LACTB: variants seen among roughly 807,000 people sequenced by gnomAD.
The protein encoded by LACTB is serine beta-lactamase-like protein LACTB, mitochondrial.
Under a neutral mutation model 50.2 loss-of-function variants are expected in LACTB, and 35 were observed. That is an observed-to-expected ratio of 0.70 (90% confidence interval 0.53 to 0.92). LACTB has a LOEUF of 0.92. Ranked by LOEUF, LACTB falls within the 40% of genes least tolerant of loss-of-function variation. The pLI is 0.00. For synonymous variants in LACTB, 252 were observed against 268.2 expected (o/e 0.94, Z 0.59); for missense variants, 664 against 691.8 (o/e 0.96, Z 0.45).
chr15:63,127,809 G>C, intron 4 of LACTB, 120 bp downstream of exon 4: 1 of 658,866 alleles, frequency 1.5e-6, no homozygotes, highest in Middle Eastern at 4.3e-4. Context: ...ATACGGACTA[G>C]TCTGGTGCTT....
intron 5 of LACTB, among the ~76,000 whole-genome samples, chr15:63,140,729 C>T (rs190851345): frequency 1.3e-5 from 2 of 152,122 alleles, no homozygotes; most frequent in Non-Finnish European, 2.9e-5. Flanking sequence ...GATCCTCCTG[C>T]CTTAGCCTCC....
chr15:63,130,658 T>C (rs2037121258), intron 5 of LACTB: 1 of 152,192 alleles, frequency 6.6e-6, no homozygotes, highest in Non-Finnish European at 1.5e-5. Flanking sequence ...TTTTTTCTGG[T>C]CTAGGATCTA....
chr15:63,141,524 G>A lies in LACTB; in HGVS notation c.1363G>A (p.Asp455Asn). The change falls in exon 6 of 6, where the codon GAT becomes AAT. Residue 455 changes from aspartate (D) to asparagine (N), a missense_variant. Asp to Asn is a conservative substitution (Grantham distance 23). Transcript: ENST00000261893. ...TPVPNTEMSWDKEGKYAMAWG... is the reference protein window; with the variant it reads ...TPVPNTEMSWNKEGKYAMAWG... Reference sequence around the variant, plus strand: ...AGTCCCTAACACAGAGATGTCTTGGGATAAAGAGGGTAAATATGCAATGGC... The same window carrying A: ...AGTCCCTAACACAGAGATGTCTTGGAATAAAGAGGGTAAATATGCAATGGC... 9.9e-6 allele frequency: 16 copies of A among 1,614,194 alleles called. No homozygotes were observed. Among genetic ancestry groups the A allele is most frequent in the Non-Finnish European group, 1.4e-5 (16 of 1,180,036 alleles).
intron 5 of LACTB, among the ~76,000 whole-genome samples, chr15:63,140,622 TTA>T (rs1275844888): frequency 2.0e-5 from 3 of 152,200 alleles, no homozygotes; most frequent in African/African-American, 7.2e-5. Context: ...TGTCACATCA[TTA>T]TATATGATAT....
intron 5 of LACTB, among the ~76,000 whole-genome samples, chr15:63,135,987 CTT>C (rs2037172137): frequency 6.6e-6 from 1 of 151,454 alleles, no homozygotes; most frequent in South Asian, 2.1e-4. Flanking sequence ...TAACTTGTGA[CTT>C]GCGCAAAAAT....
Position 63,141,934 on chromosome 15 carries a change from T to G in LACTB, c.*129T>G, listed in dbSNP as rs2037233502. 1 of 695,390 alleles carries G rather than the reference T, an allele frequency of 1.4e-6. No individual in the cohort carries two copies. The highest frequency in any genetic ancestry group is 2.3e-6 in the Non-Finnish European group (1 of 431,208). The allele number at this position is 695,390 out of a possible 1,614,324, so 43.1% of individuals were successfully genotyped here. A position where few individuals can be genotyped will look rare whatever the true frequency, so the allele number is the denominator to read the frequency against. Reference sequence around the variant, plus strand: ...AACTGAATGCAGAGAATTATGTACCTCTAATTGCTTAATTTTGTAATGGTC... The same window carrying G: ...AACTGAATGCAGAGAATTATGTACCGCTAATTGCTTAATTTTGTAATGGTC... On this transcript the variant is annotated 3_prime_UTR_variant, in exon 6 of 6. Coordinates refer to ENST00000261893, the MANE Select transcript of LACTB (RefSeq NM_032857.5).
chr15:63,129,667 T>C lies in LACTB; in HGVS notation c.1118+17T>C, dbSNP rs2037103737. On this transcript the variant is annotated intron_variant, in intron 5 of 5. Coordinates refer to ENST00000261893, the MANE Select transcript of LACTB (RefSeq NM_032857.5). The stretch of plus-strand genomic sequence containing the variant: ...TAGAGCAAGGTAAATGAATACCTTC[T>C]GCTGTGTCTAGCTATATCGCATCTT... 3 of 1,571,262 alleles carry C rather than the reference T, an allele frequency of 1.9e-6. No individual in the cohort carries two copies. The highest frequency in any genetic ancestry group is 2.6e-6 in the Non-Finnish European group (3 of 1,157,978).
At chr15:63,127,099 G>A (rs2037063639) in intron 3 of LACTB, 50 bp downstream of exon 3, 2 of 1,306,318 alleles carry the variant, frequency 1.5e-6, no homozygotes, top group Non-Finnish European at 2.1e-6. Flanking sequence ...AATGGTTTAT[G>A]CTGGAATTTA....
chr15:63,126,684 C>G (rs1043788949), intron 2 of LACTB, among the ~76,000 whole-genome samples, 175 bp from the exon 3 acceptor site: 1 of 152,142 alleles, frequency 6.6e-6, no homozygotes, highest in South Asian at 2.1e-4. Flanking sequence ...TTAGGCTTAC[C>G]GATATACTAA....
chr15:63,130,565 G>A (rs2037120038), intron 5 of LACTB: 2 of 148,896 alleles, frequency 1.3e-5, no homozygotes, highest in East Asian at 2.0e-4. Flanking sequence ...TAGATACAAT[G>A]CTTTTATTAA....
At chr15:63,131,926 C>G (rs537729068) in intron 5 of LACTB, among the ~76,000 whole-genome samples, 1 of 150,600 alleles carries the variant, frequency 6.6e-6, no homozygotes, top group South Asian at 2.1e-4. Context: ...GTCTGAGTAA[C>G]AGAGCAAGAC....
intron 2 of LACTB, among the ~76,000 whole-genome samples, chr15:63,123,914 G>A (rs1424905938): frequency 2.0e-5 from 3 of 152,184 alleles, no homozygotes; most frequent in South Asian, 4.1e-4. Flanking sequence ...TTAGGCCTCC[G>A]GATAACTGCG....
chr15:63,129,771 CTACATGT>C (rs1335974286), intron 5 of LACTB, 121 bp downstream of exon 5: 1 of 1,298,290 alleles, frequency 7.7e-7, no homozygotes, highest in Admixed American at 3.5e-5. Flanking sequence ...GGGAGCTTTT[CTACATGT>C]CTGTTTTCTC....
At chr15:63,131,033 C>T (rs569020509) in intron 5 of LACTB, 2 of 152,430 alleles carry the variant, frequency 1.3e-5, no homozygotes, top group East Asian at 3.9e-4. Flanking sequence ...TGGCTCACGC[C>T]TGTAATCCCA....
intron 1 of LACTB, 44 bp downstream of exon 1, chr15:63,122,272 C>T: frequency 2.0e-6 from 3 of 1,464,886 alleles, no homozygotes; most frequent in Non-Finnish European, 2.7e-6. Flanking sequence ...GGGGATCCAC[C>T]CCTGTCGGCG....
At chr15:63,134,934 A>C (rs2037163372) in intron 5 of LACTB, among the ~76,000 whole-genome samples, 1 of 152,160 alleles carries the variant, frequency 6.6e-6, no homozygotes, top group African/African-American at 2.4e-5. Context: ...TCAAACTAAA[A>C]TTTTATTATA....
chr15:63,138,239 T>C (rs572970734), intron 5 of LACTB, among the ~76,000 whole-genome samples: 1 of 152,234 alleles, frequency 6.6e-6, no homozygotes, highest in East Asian at 1.9e-4. Context: ...GGTGGGGGAT[T>C]ACCTGAGCCT....
chr15:63,141,199 C>G (rs1224486938), intron 5 of LACTB, 81 bp from the exon 6 acceptor site: 2 of 1,478,784 alleles, frequency 1.4e-6, no homozygotes, highest in Non-Finnish European at 1.8e-6. Context: ...TACAATCTCT[C>G]TCATGTATAC....
chr15:63,123,278 GA>G (rs1323475387), intron 2 of LACTB, among the ~76,000 whole-genome samples: 4 of 152,320 alleles, frequency 2.6e-5, no homozygotes, highest in African/African-American at 7.2e-5. Context: ...CTACTGTGTA[GA>G]ACAATCCATT....
Sources: allele counts gnomAD v4.1 joint callset (sites outside exome capture counted in the v4.1 genomes callset), GRCh38; gene constraint gnomAD v4.1.1; transcripts MANE v1.5; gene names NCBI Gene and HGNC (gene_info 2026-07-23, HGNC 2026-07-21).